Variants in ELP1 observed in about 807,000 individuals in gnomAD.
The protein encoded by ELP1 is elongator acetyltransferase complex subunit 1, also known as elongator complex protein 1.
Under a neutral mutation model 183.2 loss-of-function variants are expected in ELP1, and 131 were observed. The observed-to-expected ratio is 0.72, with a 90% CI of 0.62 to 0.83. The LOEUF (loss-of-function observed/expected upper bound fraction) is 0.83. ELP1 is among the 40% of genes least tolerant of loss of function. The pLI is 0.00. For missense variants in ELP1, 1,550 were observed against 1,594.9 expected, an observed-to-expected ratio of 0.97 and a Z score of 0.48; for synonymous variants, 555 against 569.0, an observed-to-expected ratio of 0.98 and a Z score of 0.35.
At chr9:108,919,020 C>A in intron 7 of ELP1, 119 bp from the exon 8 acceptor site, 1 of 837,984 alleles carries the variant, frequency 1.2e-6, no homozygotes, top group Non-Finnish European at 2.0e-6. Context: ...TTTACATAGC[C>A]AATTAGATTA....
rs144771389 is a variant in ELP1 at position 108,898,416 on chromosome 9, C to T, written c.2363+86G>A. 4,540 of 892,076 alleles carry T rather than the reference C, an allele frequency of 5.1e-3. 39 individuals carry two copies. The highest frequency in any genetic ancestry group is 6.4e-3 in the Non-Finnish European group (3,639 of 572,450). The allele number at this position is 892,076 out of a possible 1,614,324, so 55.3% of individuals were successfully genotyped here. On this transcript the variant is annotated intron_variant, in intron 22 of 36. Transcript: ENST00000374647. Reference sequence around the variant, plus strand: ...TAAAAATGAACAGTAAGGAATTTTTCTTCTCTAGCTATTTATGCTTGATTT... The same window carrying T: ...TAAAAATGAACAGTAAGGAATTTTTTTTCTCTAGCTATTTATGCTTGATTT...
In ELP1 at chr9:108,926,695, G is replaced by A; in HGVS notation, c.386-92C>T. ...TGGCACTGTAAGCTAAGGAGCTGGA[G>A]TTAGTCTGAACAGAGCAGACAGAAT... On this transcript the variant is annotated intron_variant, in intron 4 of 36. Transcript: ENST00000374647. 3.4e-6 allele frequency: 3 copies of A among 895,500 alleles called. No homozygotes were observed. In the South Asian group the frequency reaches 4.2e-5, roughly 12 times the overall value. The allele number at this position is 895,500 out of a possible 1,614,324, so 55.5% of individuals were successfully genotyped here.
intron 32 of ELP1, 94 bp downstream of exon 32, chr9:108,879,958 G>C (rs959700756): frequency 1.2e-6 from 1 of 839,118 alleles, no homozygotes; most frequent in Non-Finnish European, 2.1e-6. Context: ...ACAGTAATCA[G>C]ATTGCAGGCG....
chr9:108,875,994 C>T (rs546885386), intron 35 of ELP1, among the ~76,000 whole-genome samples: 6 of 151,938 alleles, frequency 3.9e-5, no homozygotes, highest in South Asian at 2.1e-4. Context: ...ATCTTCAAGC[C>T]GGGCATGGTG....
chr9:108,927,332 T>G (rs373043746), intron 4 of ELP1, 40 bp downstream of exon 4: 23 of 1,493,720 alleles, frequency 1.5e-5, no homozygotes, highest in Non-Finnish European at 1.9e-5. Flanking sequence ...TCTGGAATAA[T>G]GTTTTAAAAA....
Position 108,931,200 on chromosome 9 carries a change from C to T in ELP1, c.-54G>A. 1 of 1,525,300 alleles carries T rather than the reference C, an allele frequency of 6.6e-7. No homozygotes were observed. Among genetic ancestry groups the T allele is most frequent in the South Asian group, 1.1e-5 (1 of 89,088 alleles). 94.5% of individuals were successfully genotyped at this position (1,525,300 alleles called of 1,614,324 possible). On this transcript the variant is annotated splice_region_variant and 5_prime_UTR_variant, in exon 2 of 37. Transcript: ENST00000374647. Reference sequence around the variant, plus strand: ...AACTATCCCTTGATGAATCATTAATCTCTAAGAGAAAAATAAATAGCTTAA... The same window carrying T: ...AACTATCCCTTGATGAATCATTAATTTCTAAGAGAAAAATAAATAGCTTAA...
At chr9:108,918,272 CAT>C (rs1363949462) in intron 8 of ELP1, among the ~76,000 whole-genome samples, 1 of 152,188 alleles carries the variant, frequency 6.6e-6, no homozygotes, top group Non-Finnish European at 1.5e-5. Context: ...CAGGCAGCCA[CAT>C]ATGACAGGCA....
chr9:108,914,833 G>C (rs893082817), intron 10 of ELP1, among the ~76,000 whole-genome samples: 4 of 152,132 alleles, frequency 2.6e-5, no homozygotes, highest in Admixed American at 2.6e-4. Context: ...CACCGTGTTA[G>C]CCAGGATGGT....
At chr9:108,927,588 T>A in intron 3 of ELP1, 135 bp from the exon 4 acceptor site, 1 of 735,626 alleles carries the variant, frequency 1.4e-6, no homozygotes, top group African/African-American at 1.7e-5. Flanking sequence ...TGCACTCTCA[T>A]GTTTGTTGCA....
At chr9:108,881,849 T>C in intron 30 of ELP1, 84 bp from the exon 31 acceptor site, 1 of 877,172 alleles carries the variant, frequency 1.1e-6, no homozygotes, top group Non-Finnish European at 1.9e-6. Context: ...ATGGATTACT[T>C]TCAGAGGTAA....
At position 108,922,828 on chromosome 9, in the gene ELP1, C is replaced by A; in HGVS notation, c.552+14G>T. The A allele has an allele frequency of 6.2e-7, 1 of 1,607,612 alleles. No individual in the cohort carries two copies. The highest frequency in any genetic ancestry group is 1.1e-5 in the South Asian group (1 of 90,958). On this transcript the variant is annotated intron_variant, in intron 6 of 36. Coordinates refer to ENST00000374647, the MANE Select transcript of ELP1 (RefSeq NM_003640.5). The stretch of plus-strand genomic sequence containing the variant: ...GTTCCAGTCAAGGCTTTTTATCCAT[C>A]AAACCAAACTTACCATTTGCATCTG...
In ELP1 at chr9:108,921,455, G is replaced by A. The variant is rs554709514; in HGVS notation, c.552+1387C>T. Among the ~76,000 whole-genome samples the A allele has an allele frequency of 7.1e-4, 108 of 152,166 alleles. 3 individuals are homozygous for A. In the South Asian group the frequency reaches 0.021, roughly 29 times the overall value. ...ATGAGTAAAGTGCTATTTTTAAATC[G>A]AAAAGATATGGTCTTAGAAAGCTGT... On this transcript the variant is annotated intron_variant, in intron 6 of 36. Transcript: ENST00000374647.
intron 14 of ELP1, among the ~76,000 whole-genome samples, chr9:108,904,565 T>A (rs983848696): frequency 6.6e-6 from 1 of 152,216 alleles, no homozygotes; most frequent in African/African-American, 2.4e-5. Flanking sequence ...CTACAAATGC[T>A]TCAAATTTTG....
chr9:108,907,507 C>A (rs1324141087), intron 13 of ELP1, among the ~76,000 whole-genome samples: 1 of 152,044 alleles, frequency 6.6e-6, no homozygotes, highest in Non-Finnish European at 1.5e-5. Context: ...ATTTAAGAAA[C>A]ATTATTTATT....
chr9:108,883,949 T>C (rs1440198537), intron 29 of ELP1, among the ~76,000 whole-genome samples: 1 of 151,522 alleles, frequency 6.6e-6, no homozygotes, highest in African/African-American at 2.4e-5. Flanking sequence ...TCACATTCAA[T>C]GCAAATGTCT....
At chr9:108,877,115 G>A (rs1827733635) in intron 35 of ELP1, among the ~76,000 whole-genome samples, 1 of 152,156 alleles carries the variant, frequency 6.6e-6, no homozygotes. Context: ...AGCTCCCTCA[G>A]AAATGCCAGG....
intron 15 of ELP1, among the ~76,000 whole-genome samples, chr9:108,903,241 G>A (rs543007866): frequency 4.5e-4 from 64 of 142,242 alleles, no homozygotes; most frequent in East Asian, 3.4e-3. Flanking sequence ...CCCACCCCAC[G>A]ACAGGCCCAG....
chr9:108,924,237 T>G (rs981714237), intron 5 of ELP1, among the ~76,000 whole-genome samples: 2 of 152,210 alleles, frequency 1.3e-5, no homozygotes, highest in Non-Finnish European at 2.9e-5. Flanking sequence ...TTATGTATCA[T>G]GTATAACTTT....
intron 27 of ELP1, among the ~76,000 whole-genome samples, chr9:108,892,026 C>T (rs1475730378): frequency 1.3e-5 from 2 of 152,136 alleles, no homozygotes; most frequent in African/African-American, 4.8e-5. Flanking sequence ...GCCAAATCCT[C>T]GATTCTCCAG....
Sources: gnomAD v4.1 joint callset for allele counts (sites outside exome capture counted in the v4.1 genomes callset) on GRCh38, gnomAD v4.1.1 for gene constraint, MANE v1.5 for transcripts, NCBI Gene and HGNC (gene_info 2026-07-23, HGNC 2026-07-21) for gene names.